The following MAPK6 variants were observed in gnomAD, a reference collection of about 807,000 sequenced individuals.
MAPK6 encodes the protein ERK-3.
Under a neutral mutation model 59.3 loss-of-function variants are expected in MAPK6, and 19 were observed. The ratio of observed to expected loss-of-function variants is 0.32; its 90% confidence interval spans 0.22 to 0.47. The LOEUF is 0.47. Ranked by LOEUF, MAPK6 falls within the 20% of genes least tolerant of loss-of-function variation. The pLI, the probability that MAPK6 is intolerant of heterozygous loss-of-function variation, is 1.00. For missense variants in MAPK6, 724 were observed against 847.9 expected (o/e 0.85, Z 1.81); for synonymous variants, 316 against 290.3 (o/e 1.09, Z -0.90).
intron 2 of MAPK6, among the ~76,000 whole-genome samples, chr15:51,999,629 C>T (rs911635790): frequency 2.0e-5 from 3 of 151,894 alleles, no homozygotes; most frequent in African/African-American, 7.3e-5. Context: ...TAGTTTCCCT[C>T]TTTTTATTTA....
chr15:51,998,737 C>G (rs1206899172), intron 2 of MAPK6, among the ~76,000 whole-genome samples: 1 of 104,206 alleles, frequency 9.6e-6, no homozygotes, highest in Non-Finnish European at 1.8e-5. Context: ...GCCGCCCAGG[C>G]TGGAGTGCAG....
At chr15:52,024,297 A>G (rs1034453347) in intron 1 of MAPK6, among the ~76,000 whole-genome samples, 12 of 152,178 alleles carry the variant, frequency 7.9e-5, no homozygotes, top group African/African-American at 2.9e-4. Context: ...TTCTGGACCA[A>G]CAGTATTAGC....
intron 1 of MAPK6, among the ~76,000 whole-genome samples, chr15:51,974,425 G>A (rs2057151233): frequency 6.6e-6 from 1 of 151,352 alleles, no homozygotes; most frequent in Admixed American, 6.6e-5. Context: ...GGGAGGCCGA[G>A]GCAGGTGGAT....
chr15:51,986,447 G>A (rs1037210135), intron 2 of MAPK6, among the ~76,000 whole-genome samples: 1 of 152,088 alleles, frequency 6.6e-6, no homozygotes, highest in African/African-American at 2.4e-5. Flanking sequence ...AAGCCAAAAT[G>A]TACATGGAGT....
At chr15:52,051,300 A>G (rs1215115213) in intron 3 of MAPK6, among the ~76,000 whole-genome samples, 2 of 151,424 alleles carry the variant, frequency 1.3e-5, no homozygotes, top group South Asian at 2.1e-4. Context: ...CTCGTGATCC[A>G]CCCGCCTCGG....
chr15:52,040,329 A>T (rs1422319977), intron 1 of MAPK6, among the ~76,000 whole-genome samples: 1 of 152,242 alleles, frequency 6.6e-6, no homozygotes, highest in Non-Finnish European at 1.5e-5. Context: ...CTGTTAACTC[A>T]AATTACTCAC....
At position 52,058,710 on chromosome 15, in the gene MAPK6, C is replaced by T. The variant is rs145613421; in HGVS notation, c.778C>T (p.Leu260Phe). 2 of 1,613,614 alleles carry T rather than the reference C, an allele frequency of 1.2e-6. No individual in the cohort carries two copies. Among genetic ancestry groups the T allele is most frequent in the East Asian group, 2.2e-5 (1 of 44,858 alleles). Residue 260 changes from leucine (L) to phenylalanine (F), a missense_variant, in exon 4 of 6, where the codon CTC becomes TTC. Physicochemically the swap from Leu to Phe is conservative, Grantham distance 22. This residue lies in a region of MAPK6 where 105 missense variants were observed against 191.9 expected (regional missense o/e 0.55). Transcript: ENST00000261845. ...VVHEEDRQEL[L>F]SVIPVYIRND... ...ACATGAGGAAGATCGTCAGGAGCTT[C>T]TCAGCGTAATTCCAGTTTACATTAG...
intron 2 of MAPK6, among the ~76,000 whole-genome samples, chr15:51,996,575 T>C (rs1313528530): frequency 6.6e-6 from 1 of 152,012 alleles, no homozygotes; most frequent in Admixed American, 6.6e-5. Context: ...TTTGTATTTT[T>C]AGTAGAAACG....
intron 2 of MAPK6, among the ~76,000 whole-genome samples, chr15:52,048,945 G>C (rs1414257725): frequency 6.6e-6 from 1 of 151,546 alleles, no homozygotes; most frequent in African/African-American, 2.4e-5. Context: ...ATTGTGGATA[G>C]AGCACTGAAC....
intron 2 of MAPK6, among the ~76,000 whole-genome samples, chr15:51,989,843 A>T (rs950420691): frequency 9.9e-5 from 15 of 152,172 alleles, no homozygotes; most frequent in African/African-American, 1.7e-4. Context: ...GCCTCAAGCG[A>T]TCCTCCCACC....
At chr15:52,050,877 CAT>C (rs142596677) in intron 3 of MAPK6, among the ~76,000 whole-genome samples, 5,643 of 152,150 alleles carry the variant, frequency 0.037, 234 homozygotes, top group African/African-American at 0.09. Flanking sequence ...TAATAATAAA[CAT>C]ATTTATGACT....
chr15:52,000,180 C>T (rs2057238105), intron 2 of MAPK6, among the ~76,000 whole-genome samples: 1 of 152,034 alleles, frequency 6.6e-6, no homozygotes, highest in Admixed American at 6.6e-5. Flanking sequence ...CTCAAGCTGT[C>T]CTCCTGCCTC....
At chr15:52,048,958 A>G (rs2031687596) in intron 2 of MAPK6, among the ~76,000 whole-genome samples, 1 of 152,134 alleles carries the variant, frequency 6.6e-6, no homozygotes, top group African/African-American at 2.4e-5. Context: ...CACTGAACTA[A>G]TAAGACTTAT....
At chr15:51,972,739 G>A (rs4775990) in intron 1 of MAPK6, among the ~76,000 whole-genome samples, 2,213 of 150,598 alleles carry the variant, frequency 0.015, 82 homozygotes, top group Admixed American at 0.07. Context: ...GGAGAATGGC[G>A]TGAACCCAGG....
intron 1 of MAPK6, among the ~76,000 whole-genome samples, chr15:51,977,482 C>T (rs2057160723): frequency 6.6e-6 from 1 of 151,782 alleles, no homozygotes; most frequent in African/African-American, 2.4e-5. Flanking sequence ...GGCCAACCCC[C>T]ATCTGTTATC....
At chr15:52,008,634 G>A (rs957269543) in intron 3 of MAPK6, among the ~76,000 whole-genome samples, 6 of 152,306 alleles carry the variant, frequency 3.9e-5, no homozygotes, top group African/African-American at 1.4e-4. Context: ...CGAGTTCAAA[G>A]ATAAAATCAT....
chr15:51,997,975 C>T (rs960364367), intron 2 of MAPK6, among the ~76,000 whole-genome samples: 21 of 147,398 alleles, frequency 1.4e-4, no homozygotes, highest in Admixed American at 1.3e-3. Context: ...GACAAAGTCT[C>T]GCTCTGTCAC....
chr15:52,045,472 C>A (rs1414991202), intron 1 of MAPK6, among the ~76,000 whole-genome samples: 1 of 152,096 alleles, frequency 6.6e-6, no homozygotes, highest in Non-Finnish European at 1.5e-5. Context: ...CTTCTATATT[C>A]TTTTAGATAT....
intron 1 of MAPK6, among the ~76,000 whole-genome samples, chr15:51,974,472 C>T (rs901170581): frequency 2.7e-5 from 4 of 150,740 alleles, no homozygotes; most frequent in Admixed American, 2.6e-4. Context: ...CTGGCTAACA[C>T]AGTGACCCCG....
Sources: allele counts gnomAD v4.1 joint callset (sites outside exome capture counted in the v4.1 genomes callset), GRCh38; gene constraint gnomAD v4.1.1; regional missense constraint gnomAD v4.1.1; transcripts MANE v1.5; gene names NCBI Gene and HGNC (gene_info 2026-07-23, HGNC 2026-07-21).